SIPA1L2: variants seen among roughly 807,000 people sequenced by gnomAD.
SIPA1L2 encodes signal induced proliferation associated 1 like 2, also known as signal-induced proliferation-associated 1-like protein 2.
In SIPA1L2, 56 loss-of-function variants were observed where a neutral mutation model predicts 163.9. The ratio of observed to expected loss-of-function variants is 0.34; its 90% CI spans 0.28 to 0.43. SIPA1L2 has a LOEUF of 0.43. Ranked by LOEUF, SIPA1L2 falls within the 20% of genes least tolerant of loss-of-function variation. The probability of loss-of-function intolerance (pLI) is 1.00; values close to 1 mark genes in which losing one functional copy is unlikely to be tolerated. For synonymous variants in SIPA1L2, 877 were observed against 865.7 expected (o/e 1.01, Z -0.23); for missense variants, 1,974 against 2,193.5 (o/e 0.90, Z 2.00).
At chr1:232,426,939 G>A (rs1212180384) in intron 17 of SIPA1L2, among the ~76,000 whole-genome samples, 1 of 152,114 alleles carries the variant, frequency 6.6e-6, no homozygotes. Context: ...ACAAAGAAAT[G>A]GCTATTTACA....
chr1:232,513,995 G>C lies in SIPA1L2; in HGVS notation c.1345C>G (p.His449Asp), dbSNP rs768143980. ...ACGGAGACACCTGCATTTGTGCAGT[G>C]AGAGCTGAGTGACGATTCGAAAGAG... ...SCSFESSLSSHCTNAGVSVLE... is the reference protein window; with the variant it reads ...SCSFESSLSSDCTNAGVSVLE... The change falls in exon 3 of 23, where the codon CAC becomes GAC. Residue 449 changes from histidine to aspartate, a missense_variant. By Grantham distance (81) the His-to-Asp change is moderately conservative. Around this residue, in one of 3 missense-constraint regions of SIPA1L2, gnomAD observed 607 missense variants for 624.0 expected, o/e 0.97. Coordinates refer to ENST00000674635, the MANE Select transcript of SIPA1L2 (RefSeq NM_020808.5). 2 of 1,614,226 alleles carry C rather than the reference G, an allele frequency of 1.2e-6. No individual in the cohort carries two copies. Among genetic ancestry groups the C allele is most frequent in the Admixed American group, 1.7e-5 (1 of 60,030 alleles).
chr1:232,597,689 CAAAAAAAAAAAAAAAA>C (rs376123118), intron 1 of SIPA1L2, among the ~76,000 whole-genome samples: 3 of 65,386 alleles, frequency 4.6e-5, no homozygotes, highest in Admixed American at 2.0e-4. Flanking sequence ...AACTCTGTCT[CAAAAAAAAAAAAAAAA>C]AAAAAAAAAA....
At chr1:232,572,801 T>C (rs927709849) in intron 2 of SIPA1L2, among the ~76,000 whole-genome samples, 1 of 141,050 alleles carries the variant, frequency 7.1e-6, no homozygotes, top group Non-Finnish European at 1.5e-5. Flanking sequence ...ATTTTTTCCT[T>C]GAGACAAAGT....
chr1:232,484,688 G>T (rs1250423899), intron 5 of SIPA1L2, among the ~76,000 whole-genome samples: 3 of 152,328 alleles, frequency 2.0e-5, no homozygotes, highest in Admixed American at 2.0e-4. Flanking sequence ...CCAGGTTCAT[G>T]TTGGAAGCCA....
At chr1:232,590,496 T>C (rs573367629) in intron 1 of SIPA1L2, among the ~76,000 whole-genome samples, 1 of 152,336 alleles carries the variant, frequency 6.6e-6, no homozygotes, top group Admixed American at 6.5e-5. Context: ...CTGGAGTTCA[T>C]ACACACTGTT....
intron 1 of SIPA1L2, among the ~76,000 whole-genome samples, chr1:232,619,819 G>A (rs1323393211): frequency 6.6e-6 from 1 of 152,184 alleles, no homozygotes; most frequent in Non-Finnish European, 1.5e-5. Context: ...CAAGGCCATG[G>A]AAGAACCCCT....
intron 8 of SIPA1L2, 28 bp downstream of exon 8, chr1:232,471,342 GA>G: frequency 6.3e-7 from 1 of 1,581,034 alleles, no homozygotes; most frequent in African/African-American, 1.4e-5. Flanking sequence ...AAACCTGGGA[GA>G]ATGATAGATC....
At chr1:232,623,430 T>G (rs1188185405) in intron 1 of SIPA1L2, among the ~76,000 whole-genome samples, 1 of 151,740 alleles carries the variant, frequency 6.6e-6, no homozygotes, top group Non-Finnish European at 1.5e-5. Context: ...ATGGTGAAAC[T>G]CCGTCTCTAC....
intron 10 of SIPA1L2, among the ~76,000 whole-genome samples, chr1:232,455,714 CAAAAA>C: frequency 1.2e-5 from 1 of 82,764 alleles, no homozygotes; most frequent in East Asian, 3.3e-4. Context: ...GACTCTGTCT[CAAAAA>C]AAAAAAAAAA....
intron 2 of SIPA1L2, among the ~76,000 whole-genome samples, chr1:232,544,490 G>T (rs557388128): frequency 1.2e-4 from 18 of 151,926 alleles, no homozygotes; most frequent in Non-Finnish European, 2.5e-4. Context: ...AACCCGGAAG[G>T]CACAGCTTGC....
intron 2 of SIPA1L2, among the ~76,000 whole-genome samples, chr1:232,557,557 A>T (rs1054896644): frequency 6.6e-6 from 1 of 152,214 alleles, no homozygotes; most frequent in Non-Finnish European, 1.5e-5. Context: ...CCCAAACTCC[A>T]GGTACTTTGA....
intron 12 of SIPA1L2, 78 bp from the exon 13 acceptor site, chr1:232,441,946 C>T (rs1391247208): frequency 8.0e-7 from 1 of 1,249,008 alleles, no homozygotes; most frequent in Non-Finnish European, 1.1e-6. Context: ...TGCTGGCTTC[C>T]AAGTAGGCTA....
At chr1:232,604,262 T>C (rs1661769385) in intron 1 of SIPA1L2, among the ~76,000 whole-genome samples, 1 of 149,540 alleles carries the variant, frequency 6.7e-6, no homozygotes, top group Non-Finnish European at 1.5e-5. Context: ...ACAATTTTTG[T>C]ATTTTGACTT....
At chr1:232,547,678 T>A (rs893004713) in intron 2 of SIPA1L2, among the ~76,000 whole-genome samples, 1 of 152,058 alleles carries the variant, frequency 6.6e-6, no homozygotes, top group Non-Finnish European at 1.5e-5. Context: ...ATTGCCATCA[T>A]CCAAATCCTA....
intron 1 of SIPA1L2, among the ~76,000 whole-genome samples, chr1:232,601,488 A>G (rs1661591608): frequency 6.6e-6 from 1 of 152,174 alleles, no homozygotes; most frequent in African/African-American, 2.4e-5. Flanking sequence ...AACTCAAAAC[A>G]CTGATCATCA....
chr1:232,417,305 C>T (rs999275880), intron 18 of SIPA1L2, among the ~76,000 whole-genome samples: 1 of 152,184 alleles, frequency 6.6e-6, no homozygotes, highest in Admixed American at 6.5e-5. Flanking sequence ...TACCTACCAC[C>T]TTTAGAAGTT....
intron 6 of SIPA1L2, among the ~76,000 whole-genome samples, chr1:232,481,697 A>G (rs1232901256): frequency 1.3e-5 from 2 of 152,196 alleles, no homozygotes; most frequent in African/African-American, 4.8e-5. Flanking sequence ...CTAGCTCAAT[A>G]AAGGCTTTTC....
intron 18 of SIPA1L2, among the ~76,000 whole-genome samples, chr1:232,422,183 G>C (rs559867274): frequency 6.6e-6 from 1 of 152,198 alleles, no homozygotes; most frequent in African/African-American, 2.4e-5. Flanking sequence ...AGGTCCTAAA[G>C]GCAAGGCAGA....
chr1:232,439,221 A>G lies in SIPA1L2; in HGVS notation c.3918T>C (p.Pro1306=), dbSNP rs1572898402. Residue 1306 remains proline, a synonymous_variant, in exon 15 of 23, where the codon CCT becomes CCC. Coordinates refer to ENST00000674635, the MANE Select transcript of SIPA1L2 (RefSeq NM_020808.5). Reference sequence around the variant, plus strand: ...AATATAACTTGGCTGGCTCGTCGTCAGGCCCAGAGACGTCGGCAGCATCAG... The same window carrying G: ...AATATAACTTGGCTGGCTCGTCGTCGGGCCCAGAGACGTCGGCAGCATCAG... The part of the protein sequence containing the change: ...QWADAADVSG[P]DDEPAKLYSV... 7 of 1,613,892 alleles carry G rather than the reference A, an allele frequency of 4.3e-6. No homozygotes were observed. Among genetic ancestry groups the G allele is most frequent in the Non-Finnish European group, 5.9e-6 (7 of 1,180,038 alleles).
Sources: allele counts gnomAD v4.1 joint callset (sites outside exome capture counted in the v4.1 genomes callset), GRCh38; gene constraint gnomAD v4.1.1; regional missense constraint gnomAD v4.1.1; transcripts MANE v1.5; gene names NCBI Gene and HGNC (gene_info 2026-07-23, HGNC 2026-07-21).